The following GALNT2 variants were observed in gnomAD, a reference collection of about 807,000 sequenced individuals.
GALNT2 encodes UDP-GalNAc:polypeptide N-acetylgalactosaminyltransferase 2.
A neutral mutation model predicts 81.4 loss-of-function variants in GALNT2; 31 were observed. That is an observed-to-expected ratio of 0.38 (90% CI 0.29 to 0.51). The LOEUF (loss-of-function observed/expected upper bound fraction) is 0.51. Among genes scored for constraint, GALNT2 ranks in the 20% least tolerant of loss-of-function variants. The pLI, the probability that GALNT2 is intolerant of heterozygous loss-of-function variation, is 0.87. For missense variants in GALNT2, 629 were observed against 765.7 expected (o/e 0.82, Z 2.11); for synonymous variants, 303 against 287.4 (o/e 1.05, Z -0.55).
At chr1:230,255,102 C>A in intron 10 of GALNT2, 116 bp from the exon 11 acceptor site, 1 of 1,442,948 alleles carries the variant, frequency 6.9e-7, no homozygotes, top group Non-Finnish European at 9.7e-7. Context: ...CAGCAGAGGG[C>A]ATGGGAGCCC....
chr1:230,062,124 TG>T (rs1485016464), intron 1 of GALNT2, among the ~76,000 whole-genome samples: 2 of 152,212 alleles, frequency 1.3e-5, no homozygotes, highest in Non-Finnish European at 1.5e-5. Context: ...ATAAATAGTA[TG>T]TTTGTAGTTT....
chr1:230,124,431 G>A (rs1398788310), intron 1 of GALNT2, among the ~76,000 whole-genome samples: 3 of 152,100 alleles, frequency 2.0e-5, no homozygotes, highest in East Asian at 1.9e-4. Context: ...CACCAGTGGC[G>A]TGTTAATGTT....
chr1:230,204,789 T>G (rs1664010451), intron 3 of GALNT2, among the ~76,000 whole-genome samples: 2 of 152,200 alleles, frequency 1.3e-5, no homozygotes. Flanking sequence ...CATCAGTGAA[T>G]GGAATATAGA....
intron 2 of GALNT2, among the ~76,000 whole-genome samples, chr1:230,189,299 C>T (rs1192338947): frequency 6.6e-6 from 1 of 152,114 alleles, no homozygotes; most frequent in East Asian, 1.9e-4. Context: ...CCATCCTGGT[C>T]CTGGGCTGTG....
intron 1 of GALNT2, among the ~76,000 whole-genome samples, chr1:230,126,284 G>A (rs1160740283): frequency 6.6e-6 from 1 of 152,176 alleles, no homozygotes; most frequent in Admixed American, 6.5e-5. Context: ...GGGCCAGTTC[G>A]GCGGGGGCAG....
chr1:230,091,947 C>G (rs1211195209), intron 1 of GALNT2: 1 of 152,252 alleles, frequency 6.6e-6, no homozygotes, highest in African/African-American at 2.4e-5. Flanking sequence ...TCCCTGATAT[C>G]TAGAATTTTC....
intron 10 of GALNT2, 82 bp from the exon 11 acceptor site, chr1:230,255,136 T>G (rs1434804146): frequency 2.5e-6 from 4 of 1,604,132 alleles, no homozygotes; most frequent in Non-Finnish European, 3.4e-6. Flanking sequence ...TCAGGGGGCC[T>G]CTGTACCTGC....
chr1:230,236,281 A>G (rs1025248489), intron 4 of GALNT2, 72 bp from the exon 5 acceptor site: 11 of 1,502,646 alleles, frequency 7.3e-6, no homozygotes, highest in African/African-American at 6.9e-5. Context: ...AACATATGAG[A>G]ATTTTCTACC....
At chr1:230,236,560 G>T in intron 5 of GALNT2, 100 bp from the exon 6 acceptor site, 1 of 1,422,086 alleles carries the variant, frequency 7.0e-7, no homozygotes, top group Non-Finnish European at 9.8e-7. Context: ...GATGCCCCAA[G>T]GAGATAATCG....
intron 1 of GALNT2, among the ~76,000 whole-genome samples, chr1:230,165,397 TTC>T (rs1354999576): frequency 3.9e-5 from 6 of 152,236 alleles, no homozygotes; most frequent in Non-Finnish European, 8.8e-5. Context: ...TGTTCTAAGT[TTC>T]TTCTGTTTTT....
At chr1:230,185,273 C>CGTGTGTGTGTGT (rs1177553093) in intron 2 of GALNT2, among the ~76,000 whole-genome samples, 2 of 119,510 alleles carry the variant, frequency 1.7e-5, no homozygotes, top group African/African-American at 6.0e-5. Flanking sequence ...TGCGTGCGTG[C>CGTGTGTGTGTGT]GTGTGTGTGT....
intron 1 of GALNT2, among the ~76,000 whole-genome samples, chr1:230,156,244 A>AGTGTGTGT (rs56074247): frequency 1.4e-5 from 2 of 146,898 alleles, no homozygotes; most frequent in Non-Finnish European, 3.0e-5. Context: ...AGAGAGAGAG[A>AGTGTGTGT]GTGTGTGTGT....
intron 1 of GALNT2, among the ~76,000 whole-genome samples, chr1:230,160,562 A>G (rs1558116706): frequency 6.6e-6 from 1 of 152,096 alleles, no homozygotes; most frequent in Non-Finnish European, 1.5e-5. Context: ...AAATATAAAA[A>G]AATTAGCCGG....
At chr1:230,076,077 TCTC>T (rs946361725) in intron 1 of GALNT2, among the ~76,000 whole-genome samples, 2 of 152,184 alleles carry the variant, frequency 1.3e-5, no homozygotes, top group Non-Finnish European at 2.9e-5. Flanking sequence ...CTTGTTCTGG[TCTC>T]CTCGATGAGG....
At chr1:230,184,411 G>A (rs555371921) in intron 2 of GALNT2, among the ~76,000 whole-genome samples, 10 of 152,014 alleles carry the variant, frequency 6.6e-5, no homozygotes, top group Non-Finnish European at 1.0e-4. Context: ...GGATGGTCTC[G>A]ATCTCCTGAC....
upstream of GALNT2, among the ~76,000 whole-genome samples, chr1:230,065,957 CTTGGTG>C (rs1659163411): frequency 6.6e-6 from 1 of 152,154 alleles, no homozygotes; most frequent in African/African-American, 2.4e-5. Context: ...GTTTTTAGTT[CTTGGTG>C]TTGGACTTTC....
At chr1:230,100,901 G>A (rs1047497449) in intron 1 of GALNT2, among the ~76,000 whole-genome samples, 2 of 152,204 alleles carry the variant, frequency 1.3e-5, no homozygotes, top group Non-Finnish European at 2.9e-5. Flanking sequence ...TCATAAGGAC[G>A]TTTCAGTTAA....
intron 14 of GALNT2, among the ~76,000 whole-genome samples, chr1:230,269,981 C>T (rs1666127508): frequency 6.6e-6 from 1 of 152,114 alleles, no homozygotes; most frequent in Non-Finnish European, 1.5e-5. Context: ...GTGGGTGAAT[C>T]ACGAGGTCTG....
intron 8 of GALNT2, among the ~76,000 whole-genome samples, chr1:230,248,013 C>T (rs1018789194): frequency 2.0e-5 from 3 of 152,120 alleles, no homozygotes; most frequent in African/African-American, 4.8e-5. Flanking sequence ...CTCAGGGGCC[C>T]GCAGGGGTCT....
Sources: gnomAD v4.1 joint callset for allele counts (sites outside exome capture counted in the v4.1 genomes callset) on GRCh38, gnomAD v4.1.1 for gene constraint, MANE v1.5 for transcripts, NCBI Gene and HGNC (gene_info 2026-07-23, HGNC 2026-07-21) for gene names.